Variants in MFSD11 observed in about 807,000 individuals in gnomAD.
The protein encoded by MFSD11 is UNC93-like protein MFSD11.
Under a neutral mutation model 53.5 loss-of-function variants are expected in MFSD11, and 36 were observed. The ratio of observed to expected loss-of-function variants is 0.67; its 90% confidence interval spans 0.52 to 0.89. The LOEUF (loss-of-function observed/expected upper bound fraction) is 0.89, where lower values mean the gene tolerates loss of function less well. Ranked by LOEUF, MFSD11 falls within the 40% of genes least tolerant of loss-of-function variation. MFSD11 has a pLI of 0.00. For synonymous variants in MFSD11, 186 were observed against 184.9 expected (o/e 1.01, Z -0.05); for missense variants, 530 against 543.9 (o/e 0.97, Z 0.25).
upstream of MFSD11, chr17:76,736,915 G>A (rs1315642521): frequency 1.2e-6 from 2 of 1,612,754 alleles, no homozygotes; most frequent in African/African-American, 1.3e-5. Flanking sequence ...GCAGCTCGCG[G>A]CCGTCCAGCA....
intron 10 of MFSD11, chr17:76,773,035 C>A (rs773779203): frequency 1.3e-5 from 2 of 152,294 alleles, no homozygotes; most frequent in South Asian, 2.1e-4. Context: ...CAGCTGAGGG[C>A]GGGGCCCTAA....
At chr17:76,792,467 C>T in the MFSD11 span, among the ~76,000 whole-genome samples, 3 of 149,116 alleles carry the variant, frequency 2.0e-5, 1 homozygote, top group African/African-American at 5.0e-5. Context: ...TTTCCGGGCT[C>T]TCTTTAAAGC....
chr17:76,796,592 A>G, the MFSD11 span, among the ~76,000 whole-genome samples: 1 of 152,150 alleles, frequency 6.6e-6, no homozygotes, highest in Non-Finnish European at 1.5e-5. Context: ...TCACAGGTTA[A>G]GTAAGGTCTC....
At chr17:76,739,255 C>T (rs1174062856) in intron 2 of MFSD11, among the ~76,000 whole-genome samples, 1 of 152,184 alleles carries the variant, frequency 6.6e-6, no homozygotes, top group East Asian at 1.9e-4. Context: ...AGCCTAATTT[C>T]CTAGTTCAGA....
In MFSD11 at chr17:76,762,712, C is replaced by T. The variant is rs537352330; in HGVS notation, c.683-4674C>T. On this transcript the variant is annotated intron_variant, in intron 8 of 12. Transcript: ENST00000685175. ...CCAGCTAGTGAGACTCACATTTATT[C>T]AGTAAATATTAATTGACAAAGGCTT... Among the ~76,000 whole-genome samples, 23 of 149,362 alleles carry T rather than the reference C, an allele frequency of 1.5e-4. 1 individual carries two copies. Among genetic ancestry groups the T allele is most frequent in the Non-Finnish European group, 3.4e-4 (23 of 67,730 alleles).
chr17:76,746,833 GGT>G (rs1480129056), intron 7 of MFSD11, among the ~76,000 whole-genome samples: 1 of 152,158 alleles, frequency 6.6e-6, no homozygotes, highest in African/African-American at 2.4e-5. Flanking sequence ...CTTTGTTGGA[GGT>G]GTACAAGGAG....
At chr17:76,782,274 C>G (rs1208878128), downstream of MFSD11, among the ~76,000 whole-genome samples, 7 of 151,998 alleles carry the variant, frequency 4.6e-5, no homozygotes, top group Admixed American at 4.6e-4. Flanking sequence ...CTCCTGGGTT[C>G]AAGCGATTCT....
the MFSD11 span, among the ~76,000 whole-genome samples, chr17:76,786,983 T>C: frequency 1.3e-5 from 2 of 151,714 alleles, no homozygotes; most frequent in African/African-American, 4.8e-5. Context: ...CCCGGCTAAT[T>C]TTTGCATTTT....
chr17:76,743,014 A>C (rs1432422305), intron 5 of MFSD11, among the ~76,000 whole-genome samples: 3 of 152,238 alleles, frequency 2.0e-5, no homozygotes, highest in Admixed American at 1.3e-4. Context: ...ATGCTAAAGA[A>C]AGTATTTGAT....
Position 76,776,599 on chromosome 17 carries a change from C to G in MFSD11, c.1185+58C>G. The G allele has an allele frequency of 6.8e-7, 1 of 1,474,086 alleles. No individual in the cohort carries two copies. Among genetic ancestry groups the G allele is most frequent in the South Asian group, 1.3e-5 (1 of 74,944 alleles). 91.3% of individuals were successfully genotyped at this position (1,474,086 alleles called of 1,614,324 possible). On this transcript the variant is annotated intron_variant, in intron 12 of 12. Transcript: ENST00000685175. This position sits in a 1 kb window ranked among gnomAD's most constrained non-coding sequence, Gnocchi z 4.2. Reference sequence around the variant, plus strand: ...TAGGGCTCTTCCCTTTGTGTATTGCCTTGTTTTCCTTGGTTACTTGTATTG... The same window carrying G: ...TAGGGCTCTTCCCTTTGTGTATTGCGTTGTTTTCCTTGGTTACTTGTATTG...
At chr17:76,789,102 A>G in the MFSD11 span, among the ~76,000 whole-genome samples, 3 of 150,112 alleles carry the variant, frequency 2.0e-5, no homozygotes, top group African/African-American at 7.3e-5. Flanking sequence ...AGATCACACC[A>G]TTGCACTCCA....
At chr17:76,747,106 AATAC>A (rs762715281) in intron 7 of MFSD11, among the ~76,000 whole-genome samples, 8 of 152,116 alleles carry the variant, frequency 5.3e-5, no homozygotes, top group Non-Finnish European at 8.8e-5. Flanking sequence ...TTATTTAAGA[AATAC>A]ATTTCATGAG....
intron 8 of MFSD11, among the ~76,000 whole-genome samples, chr17:76,762,817 G>A (rs901430983): frequency 6.6e-6 from 1 of 151,950 alleles, no homozygotes; most frequent in Non-Finnish European, 1.5e-5. Flanking sequence ...GAAATCAAAG[G>A]TTAGCCTTAG....
intron 8 of MFSD11, among the ~76,000 whole-genome samples, chr17:76,759,360 A>G (rs1320115467): frequency 2.0e-5 from 3 of 149,424 alleles, no homozygotes; most frequent in East Asian, 4.0e-4. Flanking sequence ...TCAGCTCACT[A>G]CAATCTCCGC....
intron 7 of MFSD11, chr17:76,752,793 C>CTT (rs949991424): frequency 6.6e-6 from 1 of 152,116 alleles, no homozygotes; most frequent in Non-Finnish European, 1.5e-5. Flanking sequence ...GGCATGAATC[C>CTT]TTGCCTTGGT....
chr17:76,762,955 A>G (rs2080435142), intron 8 of MFSD11, among the ~76,000 whole-genome samples: 2 of 151,828 alleles, frequency 1.3e-5, no homozygotes, highest in South Asian at 2.1e-4. Flanking sequence ...CCTTCAGCTA[A>G]GTTTATCACT....
chr17:76,757,130 A>G (rs2079732009), intron 8 of MFSD11, among the ~76,000 whole-genome samples: 1 of 152,052 alleles, frequency 6.6e-6, no homozygotes, highest in African/African-American at 2.4e-5. Flanking sequence ...TCCATCATAG[A>G]TCCCCCTCTG....
At chr17:76,769,334 TC>T (rs2081174141) in intron 9 of MFSD11, 1 of 159,190 alleles carries the variant, frequency 6.3e-6, no homozygotes, top group Admixed American at 6.4e-5. Flanking sequence ...TGTGGGCTGT[TC>T]CTGGTTGTAG....
chr17:76,780,408 G>C (rs1308637913), downstream of MFSD11, among the ~76,000 whole-genome samples: 1 of 151,294 alleles, frequency 6.6e-6, no homozygotes. Flanking sequence ...GGGCTTAAGT[G>C]ATCTTCTTGC....
Sources: gnomAD v4.1 joint callset for allele counts (sites outside exome capture counted in the v4.1 genomes callset) on GRCh38, gnomAD v4.1.1 for gene constraint, Gnocchi (gnomAD v3.1) non-coding constraint, MANE v1.5 for transcripts, NCBI Gene and HGNC (gene_info 2026-07-23, HGNC 2026-07-21) for gene names.